Variants in ANAPC11 observed in about 807,000 individuals in gnomAD.
ANAPC11 encodes the protein anaphase promoting complex subunit 11.
ANAPC11 carries 5 observed loss-of-function variants against 11.8 expected under a neutral mutation model. The observed-to-expected ratio is 0.42, with a 90% confidence interval of 0.22 to 0.89. The LOEUF is 0.89. Ranked by LOEUF, ANAPC11 falls within the 40% of genes least tolerant of loss-of-function variation. The pLI is 0.28. For missense variants in ANAPC11, 68 were observed against 112.9 expected (o/e 0.60, Z 1.80); for synonymous variants, 45 against 41.0 (o/e 1.10, Z -0.38).
chr17:81,899,504 C>T (rs2039864634), intron 3 of ANAPC11: 2 of 1,613,858 alleles, frequency 1.2e-6, no homozygotes, highest in African/African-American at 2.7e-5. Context: ...TTTTTGGCAT[C>T]ACAGATCAAG....
At chr17:81,890,824 A>G (rs371244081), upstream of ANAPC11, 316 of 1,610,308 alleles carry the variant, frequency 2.0e-4, 6 homozygotes, top group South Asian at 3.1e-3. Context: ...GTTTTGGCTG[A>G]AAAAAAAACC....
intron 1 of ANAPC11, among the ~76,000 whole-genome samples, chr17:81,892,635 G>T (rs1459319814): frequency 6.7e-6 from 1 of 148,438 alleles, no homozygotes; most frequent in African/African-American, 2.5e-5. Flanking sequence ...CGAGTCTCCA[G>T]CGGCAGCCTC....
rs2039660643 is a variant in ANAPC11 at position 81,894,395 on chromosome 17, C to CA, written c.-11-72_-11-71insA. The CA allele has an allele frequency of 5.9e-6, 5 of 849,760 alleles. No homozygotes were observed. The African/African-American group carries it at 6.7e-5, about 11-fold the overall frequency. 52.6% of individuals were successfully genotyped at this position (849,760 alleles called of 1,614,324 possible). A position where few individuals can be genotyped will look rare whatever the true frequency, so the allele number is the denominator to read the frequency against. On this transcript the variant is annotated intron_variant, in intron 2 of 3. Coordinates refer to ENST00000344877, the MANE Select transcript of ANAPC11 (RefSeq NM_001002248.3). Reference sequence around the variant, plus strand: ...GGGACTGCACTGTGGCAGGCTTATACCTGTGTTGGTGCCTAAACGTTCTAG... The same window carrying CA: ...GGGACTGCACTGTGGCAGGCTTATACACTGTGTTGGTGCCTAAACGTTCTAG...
chr17:81,891,064 C>G, upstream of ANAPC11: 1 of 684,192 alleles, frequency 1.5e-6, no homozygotes, highest in Non-Finnish European at 2.4e-6. Context: ...AGCGTCCCCT[C>G]CTCTCCTGCC....
chr17:81,899,011 G>A (rs1333950299), intron 3 of ANAPC11: 1 of 590,552 alleles, frequency 1.7e-6, no homozygotes. Flanking sequence ...CCACGGGCAG[G>A]TCCTCCCAGG....
At chr17:81,895,199 C>A (rs1212085704) in intron 3 of ANAPC11, among the ~76,000 whole-genome samples, 1 of 152,020 alleles carries the variant, frequency 6.6e-6, no homozygotes, top group Non-Finnish European at 1.5e-5. Context: ...GGATCACAGG[C>A]ATGTGCCACT....
At chr17:81,891,623 G>C, upstream of ANAPC11, 1 of 1,345,882 alleles carries the variant, frequency 7.4e-7, no homozygotes, top group Non-Finnish European at 9.6e-7. Context: ...GTCACTTCCG[G>C]CGCCGCGTGA....
At chr17:81,899,074 A>T in intron 3 of ANAPC11, 1 of 728,704 alleles carries the variant, frequency 1.4e-6, no homozygotes, top group Non-Finnish European at 2.2e-6. Flanking sequence ...GAGGGTGGCC[A>T]CGAGCTCCAG....
intron 3 of ANAPC11, chr17:81,898,489 T>C (rs2039816448): frequency 6.6e-6 from 1 of 151,988 alleles, no homozygotes; most frequent in Non-Finnish European, 1.5e-5. Context: ...GACTCAGGAG[T>C]TGAGAGTCTA....
chr17:81,899,613 T>A (rs2039871204), intron 3 of ANAPC11: 7 of 1,503,562 alleles, frequency 4.7e-6, no homozygotes, highest in Non-Finnish European at 6.3e-6. Context: ...GAGCGCCACC[T>A]CCTCAGAGAG....
At chr17:81,895,850 C>T (rs2039724308) in intron 3 of ANAPC11, among the ~76,000 whole-genome samples, 1 of 152,184 alleles carries the variant, frequency 6.6e-6, no homozygotes, top group Admixed American at 6.5e-5. Context: ...GCCTGTAATC[C>T]CAGCTACTGG....
rs1415104240 is a variant in ANAPC11, at chr17:81,894,550, A to G, written c.73A>G (p.Ile25Val). The change falls in exon 3 of 4, where the codon ATC (isoleucine) becomes GTC (valine). Residue 25 changes from isoleucine (I) to valine (V), a missense_variant. Ile to Val is a conservative substitution (Grantham distance 29). Transcript: ENST00000344877. ...GGTGGCCAACGATGAGAACTGTGGC[A>G]TCTGCAGGATGGCATTTAACGGATG... ...LWVANDENCG[I>V]CRMAFNGCCP... 3 of 1,612,252 alleles carry G rather than the reference A, an allele frequency of 1.9e-6. No homozygotes were observed. Among genetic ancestry groups the G allele is most frequent in the Non-Finnish European group, 2.5e-6 (3 of 1,178,814 alleles).
chr17:81,891,079 G>C (rs982278497), upstream of ANAPC11: 1 of 666,948 alleles, frequency 1.5e-6, no homozygotes, highest in Non-Finnish European at 2.4e-6. Flanking sequence ...CCTGCCACGA[G>C]GCCCCAACGT....
chr17:81,894,186 G>C (rs1490676590), intron 2 of ANAPC11: 1 of 217,806 alleles, frequency 4.6e-6, no homozygotes, highest in East Asian at 9.2e-5. Flanking sequence ...CGAAGCACAA[G>C]AAATGAGCTG....
chr17:81,898,587 C>A (rs955728604), intron 3 of ANAPC11: 1 of 152,512 alleles, frequency 6.6e-6, no homozygotes, highest in African/African-American at 2.4e-5. Flanking sequence ...CCATACTAAG[C>A]AGCACCAGGT....
upstream of ANAPC11, chr17:81,891,282 GC>G (rs2039523512): frequency 4.5e-6 from 5 of 1,105,972 alleles, no homozygotes; most frequent in African/African-American, 1.7e-5. Context: ...GCCCCGGCTG[GC>G]CCCCTCCCAC....
At chr17:81,894,103 C>G (rs568300584) in intron 2 of ANAPC11, among the ~76,000 whole-genome samples, 10 of 151,982 alleles carry the variant, frequency 6.6e-5, no homozygotes, top group African/African-American at 2.4e-4. Flanking sequence ...CATGGTGAAA[C>G]CTCGACTACT....
chr17:81,899,624 G>A, intron 3 of ANAPC11: 1 of 1,454,396 alleles, frequency 6.9e-7, no homozygotes, highest in South Asian at 1.3e-5. Context: ...CCTCAGAGAG[G>A]CCCCTGGGCT....
intron 3 of ANAPC11, chr17:81,899,335 TCAA>T: frequency 6.2e-7 from 1 of 1,613,710 alleles, no homozygotes; most frequent in South Asian, 1.1e-5. Context: ...CAGGTGCCCA[TCAA>T]CACAGCTTCC....
Sources: allele counts gnomAD v4.1 joint callset (sites outside exome capture counted in the v4.1 genomes callset), GRCh38; gene constraint gnomAD v4.1.1; transcripts MANE v1.5; gene names NCBI Gene and HGNC (gene_info 2026-07-23, HGNC 2026-07-21).